The following MRTFA variants were observed in gnomAD, a reference collection of about 807,000 sequenced individuals.
MRTFA encodes myocardin-related transcription factor A.
MRTFA carries 20 observed loss-of-function variants against 83.5 expected under a neutral mutation model. The observed-to-expected ratio is 0.24, with a 90% CI of 0.17 to 0.35. The LOEUF (loss-of-function observed/expected upper bound fraction) is 0.35, where lower values mean the gene tolerates loss of function less well. MRTFA is among the 10% of genes least tolerant of loss of function. The pLI, the probability that MRTFA is intolerant of heterozygous loss-of-function variation, is 1.00. For missense variants in MRTFA, 1,200 were observed against 1,224.7 expected, an observed-to-expected ratio of 0.98 and a Z score of 0.30; for synonymous variants, 659 against 541.2, an observed-to-expected ratio of 1.22 and a Z score of -3.02.
chr22:40,431,913 G>GT (rs764630562), intron 5 of MRTFA, among the ~76,000 whole-genome samples: 35 of 152,316 alleles, frequency 2.3e-4, no homozygotes, highest in Middle Eastern at 3.4e-3. Context: ...TTGCAGCGCT[G>GT]TAATCACACT....
At position 40,458,965 on chromosome 22, in the gene MRTFA, T is replaced by A. The variant is rs540536396; in HGVS notation, c.307+4256A>T. 2.6e-5 allele frequency among the ~76,000 whole-genome samples: 4 copies of A among 151,510 alleles called. No individual in the cohort carries two copies. The East Asian group carries it at 7.8e-4, about 30-fold the overall frequency. ...GGTGCACACCTATAGTCCCAGCTACTCGGGAAGGCTGAGGCGAGATAATTG... is the reference window on the plus strand; with the variant it reads ...GGTGCACACCTATAGTCCCAGCTACACGGGAAGGCTGAGGCGAGATAATTG... On this transcript the variant is annotated intron_variant, in intron 4 of 14. Transcript: ENST00000355630.
chr22:40,593,899 G>A (rs993719397), intron 2 of MRTFA, among the ~76,000 whole-genome samples: 40 of 152,202 alleles, frequency 2.6e-4, no homozygotes, highest in African/African-American at 8.7e-4. Flanking sequence ...AATAAGCAAC[G>A]GGAATCTCAA....
chr22:40,545,479 G>C (rs1175217961), intron 3 of MRTFA, among the ~76,000 whole-genome samples: 1 of 151,084 alleles, frequency 6.6e-6, no homozygotes, highest in African/African-American at 2.4e-5. Flanking sequence ...TCCCCAGGCT[G>C]GAGTGCAGTG....
chr22:40,502,156 G>T (rs1602347144), intron 3 of MRTFA, among the ~76,000 whole-genome samples: 1 of 145,898 alleles, frequency 6.9e-6, no homozygotes, highest in East Asian at 2.2e-4. Context: ...CCGGGCGGGG[G>T]GCTGACCCCC....
At chr22:40,587,676 G>A (rs1207948909) in intron 2 of MRTFA, 3 of 322,898 alleles carry the variant, frequency 9.3e-6, no homozygotes, top group Admixed American at 7.4e-5. Context: ...TGCCAACAGT[G>A]CCAGGTTTTG....
intron 3 of MRTFA, among the ~76,000 whole-genome samples, chr22:40,507,303 G>A (rs1351969152): frequency 6.6e-6 from 1 of 152,106 alleles, no homozygotes; most frequent in African/African-American, 2.4e-5. Flanking sequence ...CGAGGCTGCA[G>A]TGAGCAGTGA....
At position 40,418,896 on chromosome 22, in the gene MRTFA, C is replaced by G. The variant is rs758846884; in HGVS notation, c.1842G>C (p.Gly614=). ...TGTCGCGCCCCTCTAGCTCCGCCCG[C>G]CCCCCAGGGCTCAGGCAACAGGACC... Residue 614 remains glycine (G), a synonymous_variant, in exon 12 of 15, where the codon GGG becomes GGC. Transcript: ENST00000355630. 3 of 1,612,488 alleles carry G rather than the reference C, an allele frequency of 1.9e-6. No individual in the cohort carries two copies. Among genetic ancestry groups the G allele is most frequent in the Non-Finnish European group, 2.5e-6 (3 of 1,179,814 alleles).
In MRTFA at chr22:40,432,497, T is replaced by C. The variant is rs970852943; in HGVS notation, c.364-1017A>G. On this transcript the variant is annotated intron_variant, in intron 5 of 14. Coordinates refer to ENST00000355630, the MANE Select transcript of MRTFA (RefSeq NM_020831.6). ...CCACCAAACGGGGCTAATTATAATA[T>C]ATATATATTCCCCTGGACCTGACTC... Among the ~76,000 whole-genome samples the C allele has an allele frequency of 2.0e-5, 3 of 152,032 alleles. No homozygotes were observed. The East Asian group carries it at 5.8e-4, about 29-fold the overall frequency.
At chr22:40,489,390 C>T (rs113608325) in intron 3 of MRTFA, among the ~76,000 whole-genome samples, 22 of 151,780 alleles carry the variant, frequency 1.4e-4, no homozygotes, top group African/African-American at 5.1e-4. Context: ...CGTTCTGTCG[C>T]CCAGGCTGGA....
chr22:40,581,802 T>C (rs936109331), intron 2 of MRTFA, among the ~76,000 whole-genome samples: 1 of 152,182 alleles, frequency 6.6e-6, no homozygotes, highest in African/African-American at 2.4e-5. Context: ...ATACGGAGTA[T>C]CTTTAATCAA....
rs1227264952 is a variant in MRTFA, at chr22:40,537,788, T to C, written c.241+14318A>G. Among the ~76,000 whole-genome samples the C allele has an allele frequency of 2.4e-3, 47 of 19,548 alleles. 1 individual carries two copies. The highest frequency in any genetic ancestry group is 5.8e-3 in the South Asian group (4 of 694). The allele number at this position is 19,548 out of a possible 152,430, so 12.8% of individuals were successfully genotyped here. A position where few individuals can be genotyped will look rare whatever the true frequency, so the allele number is the denominator to read the frequency against. ...GAGGTGGGGGGGTCAGCCCCCCGCC[T>C]GGCCAGCCGCCCCGTCCGGGAGGGA... On this transcript the variant is annotated intron_variant, in intron 3 of 14. Transcript: ENST00000355630.
chr22:40,563,357 G>A (rs186926040), intron 2 of MRTFA, among the ~76,000 whole-genome samples: 77 of 152,142 alleles, frequency 5.1e-4, no homozygotes, highest in Admixed American at 2.4e-3. Context: ...TTCACTGAAA[G>A]GAACTCCATT....
intron 1 of MRTFA, among the ~76,000 whole-genome samples, chr22:40,636,081 G>A (rs1193720885): frequency 7.2e-5 from 11 of 152,332 alleles, no homozygotes; most frequent in Non-Finnish European, 1.3e-4. Flanking sequence ...GAATCCCAAG[G>A]ACTGCACTTG....
At chr22:40,574,064 A>T (rs1457066273) in intron 2 of MRTFA, among the ~76,000 whole-genome samples, 1 of 152,128 alleles carries the variant, frequency 6.6e-6, no homozygotes, top group Non-Finnish European at 1.5e-5. Flanking sequence ...CATCAGGGAC[A>T]TTTGTAAGTT....
chr22:40,416,939 A>G lies in MRTFA; in HGVS notation c.2578+47T>C, dbSNP rs554644207. The G allele has an allele frequency of 1.9e-6, 3 of 1,542,318 alleles. No homozygotes were observed. The highest frequency in any genetic ancestry group is 2.6e-6 in the Non-Finnish European group (3 of 1,133,738). On this transcript the variant is annotated intron_variant, in intron 14 of 14. Coordinates refer to ENST00000355630, the MANE Select transcript of MRTFA (RefSeq NM_020831.6). This position sits in a 1 kb window ranked among gnomAD's most constrained non-coding sequence, Gnocchi z 4.2. ...AACCAACCCAGGGCTAGAGACACCT[A>G]TGAACAGAGAAGGCCGTCAGGGAGG...
At chr22:40,500,348 A>AAT in intron 3 of MRTFA, among the ~76,000 whole-genome samples, 1 of 139,110 alleles carries the variant, frequency 7.2e-6, no homozygotes. Flanking sequence ...TATTTTTTTT[A>AAT]TTTTTTTTTT....
At chr22:40,517,595 G>A (rs1046612865) in intron 3 of MRTFA, among the ~76,000 whole-genome samples, 15 of 152,202 alleles carry the variant, frequency 9.9e-5, no homozygotes, top group African/African-American at 3.6e-4. Context: ...CTTGGTACAC[G>A]GTCTGCCACA....
intron 2 of MRTFA, chr22:40,588,008 GAGAAGGCCACA>G (rs1444287984): frequency 4.9e-6 from 1 of 203,912 alleles, no homozygotes; most frequent in African/African-American, 2.4e-5. Context: ...ATGGGAAGGT[GAGAAGGCCACA>G]CTCCAACATT....
At chr22:40,570,174 G>A (rs910008698) in intron 2 of MRTFA, among the ~76,000 whole-genome samples, 3 of 152,080 alleles carry the variant, frequency 2.0e-5, no homozygotes, top group Non-Finnish European at 4.4e-5. Flanking sequence ...ATATCAGAAG[G>A]AAGACTATGT....
Sources: gnomAD v4.1 joint callset for allele counts (sites outside exome capture counted in the v4.1 genomes callset) on GRCh38, gnomAD v4.1.1 for gene constraint, Gnocchi (gnomAD v3.1) non-coding constraint, MANE v1.5 for transcripts, NCBI Gene and HGNC (gene_info 2026-07-23, HGNC 2026-07-21) for gene names.